The following FAF1 variants were observed in gnomAD, a reference collection of about 807,000 sequenced individuals.
The protein encoded by FAF1 is Fas associated factor 1.
Under a neutral mutation model 92.5 loss-of-function variants are expected in FAF1, and 25 were observed. The observed-to-expected ratio is 0.27, with a 90% CI of 0.20 to 0.38. The LOEUF is 0.38. FAF1 is among the 10% of genes least tolerant of loss of function. The pLI is 1.00. For synonymous variants in FAF1, 234 were observed against 273.2 expected (o/e 0.86, Z 1.42); for missense variants, 636 against 793.3 (o/e 0.80, Z 2.38).
At chr1:50,882,885 C>T (rs551697518) in intron 1 of FAF1, among the ~76,000 whole-genome samples, 46 of 151,308 alleles carry the variant, frequency 3.0e-4, no homozygotes, top group African/African-American at 1.1e-3. Context: ...ACTCGGGAGG[C>T]TGAGGCAGGA....
chr1:50,953,687 C>T (rs1645239315), intron 1 of FAF1, among the ~76,000 whole-genome samples: 1 of 151,348 alleles, frequency 6.6e-6, no homozygotes, highest in African/African-American at 2.4e-5. Flanking sequence ...TGCAGTGAGC[C>T]AAGATCACGC....
chr1:50,724,124 T>C (rs1327313015), intron 6 of FAF1, among the ~76,000 whole-genome samples: 2 of 151,434 alleles, frequency 1.3e-5, no homozygotes, highest in East Asian at 1.9e-4. Flanking sequence ...TCCCAGCCAC[T>C]TGGGAGGCTA....
intron 1 of FAF1, among the ~76,000 whole-genome samples, chr1:50,874,712 G>A (rs996980242): frequency 1.1e-4 from 16 of 143,112 alleles, no homozygotes; most frequent in African/African-American, 4.1e-4. Context: ...AATGTTTATA[G>A]ATGATTTAAG....
chr1:50,845,691 A>G (rs1570042505), intron 2 of FAF1, among the ~76,000 whole-genome samples: 1 of 152,096 alleles, frequency 6.6e-6, no homozygotes, highest in East Asian at 1.9e-4. Flanking sequence ...AGTAGGCTGA[A>G]CTACATCTTC....
intron 14 of FAF1, among the ~76,000 whole-genome samples, chr1:50,538,174 G>A (rs1320680812): frequency 6.6e-6 from 1 of 150,552 alleles, no homozygotes; most frequent in Non-Finnish European, 1.5e-5. Flanking sequence ...TAGTTTGCCT[G>A]TCAGTAATAT....
chr1:50,548,328 G>T (rs1426753920), intron 13 of FAF1, among the ~76,000 whole-genome samples: 5 of 152,108 alleles, frequency 3.3e-5, no homozygotes, highest in Admixed American at 1.3e-4. Flanking sequence ...AGAAAGGAAC[G>T]GGTGCTTAGA....
intron 12 of FAF1, among the ~76,000 whole-genome samples, chr1:50,569,115 C>T (rs1325791123): frequency 6.6e-6 from 1 of 152,124 alleles, no homozygotes; most frequent in Admixed American, 6.6e-5. Flanking sequence ...TAATCAGATA[C>T]ATTGTTAGAG....
At chr1:50,877,764 C>G (rs1189328108) in intron 1 of FAF1, among the ~76,000 whole-genome samples, 1 of 152,078 alleles carries the variant, frequency 6.6e-6, no homozygotes. Flanking sequence ...CAGTTTACTG[C>G]TGACTAACAG....
intron 2 of FAF1, chr1:50,846,452 G>T (rs1031474409): frequency 2.3e-6 from 1 of 443,690 alleles, no homozygotes; most frequent in Non-Finnish European, 4.4e-6. Context: ...CGAGCCGCAC[G>T]CATCGAGCCT....
intron 6 of FAF1, among the ~76,000 whole-genome samples, chr1:50,729,058 A>ATATATATATATAT (rs1375923156): frequency 7.1e-5 from 5 of 70,114 alleles, no homozygotes; most frequent in South Asian, 5.6e-4. Context: ...ATATATATAT[A>ATATATATATATAT]TTTTTTTTTT....
At chr1:50,483,032 T>G (rs964632464) in intron 17 of FAF1, among the ~76,000 whole-genome samples, 1 of 152,194 alleles carries the variant, frequency 6.6e-6, no homozygotes, top group African/African-American at 2.4e-5. Flanking sequence ...GTCTTTGGTG[T>G]CAGATCTAAG....
chr1:50,723,372 C>A (rs1328974428), intron 6 of FAF1, among the ~76,000 whole-genome samples: 1 of 151,494 alleles, frequency 6.6e-6, no homozygotes, highest in Non-Finnish European at 1.5e-5. Flanking sequence ...TGCACTCCAG[C>A]CTGTGCAACA....
chr1:50,694,075 G>A (rs1198627883), intron 7 of FAF1, among the ~76,000 whole-genome samples: 2 of 150,962 alleles, frequency 1.3e-5, no homozygotes, highest in Non-Finnish European at 2.9e-5. Flanking sequence ...ACATATACAT[G>A]ACATATATAT....
At chr1:50,559,159 G>A (rs1324863913) in intron 13 of FAF1, among the ~76,000 whole-genome samples, 1 of 151,840 alleles carries the variant, frequency 6.6e-6, no homozygotes, top group African/African-American at 2.4e-5. Flanking sequence ...GCTAAGACAG[G>A]AGAATTGCTT....
intron 6 of FAF1, among the ~76,000 whole-genome samples, chr1:50,706,626 T>C (rs1425358077): frequency 6.6e-6 from 1 of 152,226 alleles, no homozygotes; most frequent in Admixed American, 6.5e-5. Context: ...CTAAAATGTA[T>C]ACTCAAAGAC....
At chr1:50,811,615 G>A (rs907052952) in intron 2 of FAF1, among the ~76,000 whole-genome samples, 2 of 152,178 alleles carry the variant, frequency 1.3e-5, no homozygotes, top group Non-Finnish European at 2.9e-5. Context: ...AATCAATATT[G>A]TGAAAATGGC....
chr1:50,528,039 C>T (rs1424228123), intron 15 of FAF1, among the ~76,000 whole-genome samples: 2 of 151,580 alleles, frequency 1.3e-5, no homozygotes, highest in Non-Finnish European at 2.9e-5. Context: ...ATTTTTTTTC[C>T]CTATTTTTTG....
chr1:50,723,412 A>AT (rs1454567210), intron 6 of FAF1, among the ~76,000 whole-genome samples: 2 of 152,178 alleles, frequency 1.3e-5, no homozygotes, highest in African/African-American at 4.8e-5. Flanking sequence ...AAAAAAAAAA[A>AT]AATAAGTAGG....
chr1:50,815,322 G>A (rs181305349), intron 2 of FAF1, among the ~76,000 whole-genome samples: 6 of 152,238 alleles, frequency 3.9e-5, no homozygotes, highest in Non-Finnish European at 8.8e-5. Context: ...ACGTGAGAAT[G>A]TGCTTTGGTC....
Sources: allele counts gnomAD v4.1 joint callset (sites outside exome capture counted in the v4.1 genomes callset), GRCh38; gene constraint gnomAD v4.1.1; transcripts MANE v1.5; gene names NCBI Gene and HGNC (gene_info 2026-07-23, HGNC 2026-07-21).